HTR1E: variants seen among roughly 807,000 people sequenced by gnomAD.
The protein encoded by HTR1E is 5-HT-1E.
HTR1E carries 3 observed loss-of-function variants against 3.4 expected under a neutral mutation model. The ratio of observed to expected loss-of-function variants is 0.89; its 90% confidence interval spans 0.41 to 2.31. The LOEUF is 2.31. Ranked by LOEUF, HTR1E falls within the 30% of genes most tolerant of loss-of-function variation. HTR1E has a pLI of 0.05. For synonymous variants in HTR1E, 170 were observed against 182.8 expected (o/e 0.93, Z 0.56); for missense variants, 392 against 467.0 (o/e 0.84, Z 1.48).
In HTR1E at chr6:86,975,109, A is replaced by C. The variant is rs116313059; in HGVS notation, c.-186+37286A>C. Among the ~76,000 whole-genome samples the C allele has an allele frequency of 5.0e-3, 769 of 152,282 alleles. 5 individuals are homozygous for C. The highest frequency in any genetic ancestry group is 0.018 in the African/African-American group (730 of 41,554). ...AGACTGCTCAGTGCACAAAACTTAAAATCATGGGAATGTATGGAAGTGCAC... is the reference window on the plus strand; with the variant it reads ...AGACTGCTCAGTGCACAAAACTTAACATCATGGGAATGTATGGAAGTGCAC... On this transcript the variant is annotated intron_variant, in intron 1 of 1. Coordinates refer to ENST00000305344, the MANE Select transcript of HTR1E (RefSeq NM_000865.3).
chr6:86,973,354 A>T (rs576793962), intron 1 of HTR1E, among the ~76,000 whole-genome samples: 1 of 151,186 alleles, frequency 6.6e-6, no homozygotes, highest in East Asian at 1.9e-4. Context: ...CTGTGTGTGT[A>T]GCTGAGTGGG....
In HTR1E at chr6:87,015,649, C is replaced by A. The variant is rs1188155528; in HGVS notation, c.315C>A (p.Cys105Ter). The A allele has an allele frequency of 6.2e-7, 1 of 1,614,024 alleles. No individual in the cohort carries two copies. Among genetic ancestry groups the A allele is most frequent in the East Asian group, 2.2e-5 (1 of 44,896 alleles). Residue 105 changes from cysteine (C) to a stop codon, truncating the protein, a stop_gained, in exon 2 of 2, where the codon TGC becomes TGA. Coordinates refer to ENST00000305344, the MANE Select transcript of HTR1E (RefSeq NM_000865.3). LOFTEE classifies it low-confidence loss of function (END_TRUNC). ...TGTGGCTGAGTGTGGACATGACCTG[C>A]TGCACCTGCTCCATCCTCCACCTCT... is the stretch of plus-strand genomic sequence containing the variant. ...CEVWLSVDMT[C>*]CTCSILHLCV... is the part of the protein sequence containing the mutation.
rs530154215 is a variant in HTR1E at position 87,009,039 on chromosome 6, C to T, written c.-185-6111C>T. ...TCTTTTGAGTCCCTTTTAGTCTATACGCCACACTTCTTTTTATTTTTTTTT... is the reference window on the plus strand; with the variant it reads ...TCTTTTGAGTCCCTTTTAGTCTATATGCCACACTTCTTTTTATTTTTTTTT... On this transcript the variant is annotated intron_variant, in intron 1 of 1. Coordinates refer to ENST00000305344, the MANE Select transcript of HTR1E (RefSeq NM_000865.3). 1.8e-4 allele frequency among the ~76,000 whole-genome samples: 27 copies of T among 151,596 alleles called. No individual in the cohort carries two copies. In the East Asian group the frequency reaches 3.9e-3, roughly 22 times the overall value.
intron 1 of HTR1E, among the ~76,000 whole-genome samples, chr6:86,952,523 C>A (rs555542005): frequency 1.3e-5 from 2 of 148,392 alleles, no homozygotes; most frequent in South Asian, 2.1e-4. Context: ...ACACACACAC[C>A]CCTACCATTC....
chr6:87,002,473 C>T (rs535355210), intron 1 of HTR1E, among the ~76,000 whole-genome samples: 2 of 152,318 alleles, frequency 1.3e-5, no homozygotes, highest in South Asian at 4.2e-4. Context: ...TATTTGTCCG[C>T]ACCCACATCC....
chr6:87,000,045 C>A, intron 1 of HTR1E: 1 of 170,056 alleles, frequency 5.9e-6, no homozygotes. Context: ...GACATAACAG[C>A]TAATGTGTGG....
At chr6:86,955,364 TG>T (rs143072562) in intron 1 of HTR1E, among the ~76,000 whole-genome samples, 9,354 of 152,298 alleles carry the variant, frequency 0.061, 324 homozygotes, top group East Asian at 0.11. Context: ...AACGTTAGAA[TG>T]CTCTGTACAT....
intron 1 of HTR1E, among the ~76,000 whole-genome samples, chr6:86,959,286 G>GA (rs1038742524): frequency 1.3e-5 from 2 of 152,036 alleles, no homozygotes; most frequent in South Asian, 2.1e-4. Flanking sequence ...AAAAGAAGAA[G>GA]AAAAAACACT....
chr6:86,976,830 A>C (rs1767645458), intron 1 of HTR1E, among the ~76,000 whole-genome samples: 1 of 152,222 alleles, frequency 6.6e-6, no homozygotes, highest in South Asian at 2.1e-4. Context: ...GAATTCAAAA[A>C]CATACTTTAA....
At chr6:86,996,561 A>C (rs1448961609) in intron 1 of HTR1E, among the ~76,000 whole-genome samples, 1 of 152,136 alleles carries the variant, frequency 6.6e-6, no homozygotes, top group Non-Finnish European at 1.5e-5. Flanking sequence ...TGGTATCAGT[A>C]ATGAATCAGG....
chr6:86,973,314 GTGTGTGTGTGTGTGTGTC>G (rs1327585302), intron 1 of HTR1E, among the ~76,000 whole-genome samples: 4 of 150,152 alleles, frequency 2.7e-5, no homozygotes, highest in South Asian at 2.1e-4. Context: ...GTGTGTGTGT[GTGTGTGTGTGTGTGTGTC>G]TGTGTGTGTG....
intron 1 of HTR1E, among the ~76,000 whole-genome samples, chr6:86,980,813 A>T (rs1056922795): frequency 1.3e-5 from 2 of 152,166 alleles, no homozygotes; most frequent in African/African-American, 4.8e-5. Context: ...TCCATCTCCA[A>T]ATTATACTAA....
At chr6:86,947,133 GAGA>G (rs745521874) in intron 1 of HTR1E, among the ~76,000 whole-genome samples, 15 of 152,184 alleles carry the variant, frequency 9.9e-5, no homozygotes, top group Non-Finnish European at 2.1e-4. Context: ...AAAATGCACA[GAGA>G]AGGTTTCCAT....
chr6:86,958,472 C>T (rs1310248261), intron 1 of HTR1E, among the ~76,000 whole-genome samples: 2 of 152,070 alleles, frequency 1.3e-5, no homozygotes, highest in Admixed American at 6.5e-5. Flanking sequence ...ATACTTGCTA[C>T]GATCCAAAAT....
At chr6:86,963,680 TATC>T (rs1280856173) in intron 1 of HTR1E, among the ~76,000 whole-genome samples, 2 of 152,336 alleles carry the variant, frequency 1.3e-5, no homozygotes, top group Middle Eastern at 3.4e-3. Context: ...AATACACAAA[TATC>T]ATTGTGTTAC....
rs200002987 is a variant in HTR1E, at chr6:87,014,254, TATAATAATAATA to T, written c.-185-867_-185-856del. Among the ~76,000 whole-genome samples the T allele has an allele frequency of 5.5e-3, 791 of 143,822 alleles. 9 individuals are homozygous for T. The highest frequency in any genetic ancestry group is 0.017 in the African/African-American group (673 of 39,394). The allele number at this position is 143,822 out of a possible 152,430, so 94.4% of individuals were successfully genotyped here. A position where few individuals can be genotyped will look rare whatever the true frequency, so the allele number is the denominator to read the frequency against. ...TGCACCTGTACCCTAGAACTTAAAG[TATAATAATAATA>T]ATAATAATAATAATAATAATAATAA... is the stretch of plus-strand genomic sequence containing the variant. On this transcript the variant is annotated intron_variant, in intron 1 of 1. Coordinates refer to ENST00000305344, the MANE Select transcript of HTR1E (RefSeq NM_000865.3).
At chr6:86,949,447 C>G (rs1767189723) in intron 1 of HTR1E, among the ~76,000 whole-genome samples, 1 of 152,132 alleles carries the variant, frequency 6.6e-6, no homozygotes. Context: ...GATTTAGCAG[C>G]CAAGCTAAAA....
At chr6:86,972,119 T>C (rs1767566570) in intron 1 of HTR1E, among the ~76,000 whole-genome samples, 1 of 152,188 alleles carries the variant, frequency 6.6e-6, no homozygotes, top group African/African-American at 2.4e-5. Context: ...CTTTAGTTGG[T>C]GGGATTTTCA....
intron 1 of HTR1E, among the ~76,000 whole-genome samples, chr6:86,976,728 C>T (rs1272954582): frequency 6.6e-6 from 1 of 152,228 alleles, no homozygotes; most frequent in Non-Finnish European, 1.5e-5. Context: ...GTGTCTGACT[C>T]AATCCCCTAC....
Sources: allele counts gnomAD v4.1 joint callset (sites outside exome capture counted in the v4.1 genomes callset), GRCh38; gene constraint gnomAD v4.1.1; transcripts MANE v1.5; gene names NCBI Gene and HGNC (gene_info 2026-07-23, HGNC 2026-07-21).